Variants in SH3RF1 observed in about 807,000 individuals in gnomAD.
SH3RF1 encodes the protein E3 ubiquitin-protein ligase SH3RF1.
A neutral mutation model predicts 74.0 loss-of-function variants in SH3RF1; 32 were observed. The ratio of observed to expected loss-of-function variants is 0.43; its 90% CI spans 0.33 to 0.58. SH3RF1 has a LOEUF of 0.58. Ranked by LOEUF, SH3RF1 falls within the 20% of genes least tolerant of loss-of-function variation. SH3RF1 has a pLI of 0.05. For synonymous variants in SH3RF1, 396 were observed against 439.6 expected (o/e 0.90, Z 1.24); for missense variants, 954 against 1,130.9 (o/e 0.84, Z 2.24).
In SH3RF1 at chr4:169,122,257, G is replaced by A. The variant is rs1237443971; in HGVS notation, c.1189C>T (p.Pro397Ser). Residue 397 changes from proline (P) to serine (S), a missense_variant, in exon 7 of 12, where the codon CCT becomes TCT. Transcript: ENST00000284637. ...AGGAGAGGGGGTGGTGGAAGAGGAGGATTCAAAGTCTAGTATAGGAAAAAC... is the reference window on the plus strand; with the variant it reads ...AGGAGAGGGGGTGGTGGAAGAGGAGAATTCAAAGTCTAGTATAGGAAAAAC... Reference protein sequence around the residue: ...PYQAALGTLNPPLPPPPLLAA... With the variant: ...PYQAALGTLNSPLPPPPLLAA... The A allele has an allele frequency of 6.3e-7, 1 of 1,594,018 alleles. No individual in the cohort carries two copies. Among genetic ancestry groups the A allele is most frequent in the East Asian group, 2.3e-5 (1 of 44,318 alleles).
chr4:169,212,414 A>G (rs1730392784), intron 2 of SH3RF1, among the ~76,000 whole-genome samples: 3 of 152,222 alleles, frequency 2.0e-5, no homozygotes, highest in Non-Finnish European at 4.4e-5. Context: ...AATTACAAAG[A>G]AAAAGTAAAA....
Position 169,096,321 on chromosome 4 carries a change from T to C in SH3RF1, c.*198A>G, listed in dbSNP as rs546515477. ...ACAAGGCACACCTTATACATCCGAA[T>C]CCAGACTAACAAAACCCACACAAAC... On this transcript the variant is annotated 3_prime_UTR_variant, in exon 12 of 12. Coordinates refer to ENST00000284637, the MANE Select transcript of SH3RF1 (RefSeq NM_020870.4). 17 of 580,942 alleles carry C rather than the reference T, an allele frequency of 2.9e-5. No homozygotes were observed. The highest frequency in any genetic ancestry group is 2.0e-4 in the Admixed American group (6 of 29,438). The allele number at this position is 580,942 out of a possible 1,614,324, so 36.0% of individuals were successfully genotyped here.
chr4:169,208,934 G>GA (rs1053490847), intron 2 of SH3RF1, among the ~76,000 whole-genome samples: 1 of 151,282 alleles, frequency 6.6e-6, no homozygotes, highest in Non-Finnish European at 1.5e-5. Flanking sequence ...CTGAAAAAAA[G>GA]AAAAAAAAGA....
rs768567785 is a variant in SH3RF1 at position 169,116,559 on chromosome 4, TGAGGCCGGCGGCATTCTGTACCTG to T, written c.1825_1848del (p.Gln609_Leu616del). ...TGGGACAGGCCCACAGATGCAGGGC[TGAGGCCGGCGGCATTCTGTACCTG>T]GATGGGTGTCACTGCTGCCGTGGGG... is the stretch of plus-strand genomic sequence containing the variant. On this transcript the variant is annotated inframe_deletion, in exon 10 of 12. Coordinates refer to ENST00000284637, the MANE Select transcript of SH3RF1 (RefSeq NM_020870.4). 1 of 1,606,068 alleles carries T rather than the reference TGAGGCCGGCGGCATTCTGTACCTG, an allele frequency of 6.2e-7. No homozygotes were observed. The highest frequency in any genetic ancestry group is 1.7e-5 in the Admixed American group (1 of 59,602).
intron 11 of SH3RF1, among the ~76,000 whole-genome samples, chr4:169,100,184 G>A (rs1470451724): frequency 1.3e-5 from 2 of 152,074 alleles, no homozygotes; most frequent in Non-Finnish European, 1.5e-5. Flanking sequence ...TATATGAACA[G>A]GGGTTTGGGG....
chr4:169,179,743 C>A (rs1734477077), intron 2 of SH3RF1, among the ~76,000 whole-genome samples: 1 of 152,200 alleles, frequency 6.6e-6, no homozygotes, highest in Non-Finnish European at 1.5e-5. Flanking sequence ...TTAGCTCATT[C>A]TTTGAACTAC....
intron 11 of SH3RF1, among the ~76,000 whole-genome samples, chr4:169,099,020 C>A (rs1276508392): frequency 2.6e-5 from 4 of 152,226 alleles, no homozygotes; most frequent in African/African-American, 9.6e-5. Context: ...ACTCAGGCCA[C>A]AACTCAGGCC....
intron 2 of SH3RF1, among the ~76,000 whole-genome samples, chr4:169,261,264 A>G (rs975998046): frequency 6.6e-6 from 1 of 152,208 alleles, no homozygotes; most frequent in African/African-American, 2.4e-5. Flanking sequence ...CAAGCTAAGG[A>G]GAGTCTGCTT....
intron 2 of SH3RF1, among the ~76,000 whole-genome samples, chr4:169,174,524 A>G (rs1408239394): frequency 1.3e-5 from 2 of 152,168 alleles, no homozygotes; most frequent in Non-Finnish European, 2.9e-5. Flanking sequence ...CACTTTGAGT[A>G]AAAGGGGAAT....
chr4:169,096,844 T>C (rs555235904), intron 11 of SH3RF1, among the ~76,000 whole-genome samples, 157 bp from the exon 12 acceptor site: 131 of 152,348 alleles, frequency 8.6e-4, no homozygotes, highest in African/African-American at 2.7e-3. Flanking sequence ...TTCTGTTTAG[T>C]AGAGACTTAG....
intron 6 of SH3RF1, among the ~76,000 whole-genome samples, chr4:169,126,623 G>A (rs761311846): frequency 6.6e-6 from 1 of 152,006 alleles, no homozygotes; most frequent in African/African-American, 2.4e-5. Context: ...ACAGCATCTA[G>A]TCCTGGCTGG....
intron 3 of SH3RF1, among the ~76,000 whole-genome samples, chr4:169,156,061 T>C (rs900276060): frequency 1.3e-5 from 2 of 152,234 alleles, no homozygotes; most frequent in East Asian, 1.9e-4. Context: ...ATATAAAATA[T>C]GAAAGTAATG....
intron 6 of SH3RF1, among the ~76,000 whole-genome samples, chr4:169,122,652 T>A (rs982431300): frequency 1.3e-5 from 2 of 152,164 alleles, no homozygotes; most frequent in Non-Finnish European, 2.9e-5. Context: ...AGGAATTAAT[T>A]TGTGATTGTT....
intron 2 of SH3RF1, among the ~76,000 whole-genome samples, chr4:169,213,812 G>A (rs915592357): frequency 1.3e-5 from 2 of 152,162 alleles, no homozygotes; most frequent in Non-Finnish European, 2.9e-5. Flanking sequence ...TTTGACAAAA[G>A]GTCACTTGAC....
At chr4:169,224,942 G>C (rs748371988) in intron 2 of SH3RF1, among the ~76,000 whole-genome samples, 1 of 152,216 alleles carries the variant, frequency 6.6e-6, no homozygotes, top group Non-Finnish European at 1.5e-5. Context: ...GTCTCATTCT[G>C]TAACAGGGTG....
chr4:169,224,530 C>G (rs1730625500), intron 2 of SH3RF1, among the ~76,000 whole-genome samples: 1 of 152,126 alleles, frequency 6.6e-6, no homozygotes, highest in South Asian at 2.1e-4. Context: ...GTTGGCCAGG[C>G]TGGTCTCGAA....
At chr4:169,235,438 C>T (rs1730810941) in intron 2 of SH3RF1, among the ~76,000 whole-genome samples, 1 of 152,116 alleles carries the variant, frequency 6.6e-6, no homozygotes, top group Non-Finnish European at 1.5e-5. Flanking sequence ...GATATGATAA[C>T]TCTGTAAGAT....
intron 2 of SH3RF1, among the ~76,000 whole-genome samples, chr4:169,251,064 C>A (rs760818850): frequency 6.6e-6 from 1 of 152,094 alleles, no homozygotes; most frequent in Admixed American, 6.6e-5. Flanking sequence ...CTCAGTTATG[C>A]GACTGAAGTC....
In SH3RF1 at chr4:169,141,799, C is replaced by G. The variant is rs142260027; in HGVS notation, c.766-5179G>C. ...ATTATAGGCAAGTGCCACCATGGCC[C>G]GCCTAATTTTTGCTTTTTTTTTTTT... On this transcript the variant is annotated intron_variant, in intron 4 of 11. Coordinates refer to ENST00000284637, the MANE Select transcript of SH3RF1 (RefSeq NM_020870.4). Among the ~76,000 whole-genome samples the G allele has an allele frequency of 8.1e-3, 1,209 of 149,448 alleles. 22 individuals are homozygous for G. Among genetic ancestry groups the G allele is most frequent in the African/African-American group, 0.029 (1,152 of 40,390 alleles).
Sources: gnomAD v4.1 joint callset for allele counts (sites outside exome capture counted in the v4.1 genomes callset) on GRCh38, gnomAD v4.1.1 for gene constraint, MANE v1.5 for transcripts, NCBI Gene and HGNC (gene_info 2026-07-23, HGNC 2026-07-21) for gene names.